The following TGFBR1 variants were observed in gnomAD, a reference collection of about 807,000 sequenced individuals.
TGFBR1 encodes the protein transforming growth factor beta receptor 1.
Under a neutral mutation model 55.1 loss-of-function variants are expected in TGFBR1, and 20 were observed. The ratio of observed to expected loss-of-function variants is 0.36; its 90% CI spans 0.26 to 0.53. The LOEUF is 0.53. TGFBR1 is among the 20% of genes least tolerant of loss of function. The probability of loss-of-function intolerance (pLI) is 0.91; values close to 1 mark genes in which losing one functional copy is unlikely to be tolerated. For missense variants in TGFBR1, 385 were observed against 617.6 expected (o/e 0.62, Z 3.99); for synonymous variants, 220 against 214.8 (o/e 1.02, Z -0.21).
At chr9:99,116,247 G>T (rs939190446) in intron 1 of TGFBR1, among the ~76,000 whole-genome samples, 4 of 151,852 alleles carry the variant, frequency 2.6e-5, no homozygotes, top group African/African-American at 9.7e-5. Flanking sequence ...GTCAGATCCA[G>T]CCTGCTCTTG....
intron 7 of TGFBR1, among the ~76,000 whole-genome samples, chr9:99,146,857 A>G (rs564439660): frequency 6.6e-6 from 1 of 152,204 alleles, no homozygotes; most frequent in African/African-American, 2.4e-5. Context: ...TCAGAACCCA[A>G]CCCCTTGTTA....
At chr9:99,131,693 C>T (rs185271666) in intron 2 of TGFBR1, among the ~76,000 whole-genome samples, 5 of 151,960 alleles carry the variant, frequency 3.3e-5, no homozygotes, top group African/African-American at 4.8e-5. Context: ...ACCTATTGGC[C>T]GGGCATGGCT....
intron 1 of TGFBR1, among the ~76,000 whole-genome samples, chr9:99,106,526 T>C (rs773954627): frequency 6.6e-6 from 1 of 152,224 alleles, no homozygotes; most frequent in Non-Finnish European, 1.5e-5. Flanking sequence ...TGTAAATGCA[T>C]ACACTATTGT....
rs556875871 is a variant in TGFBR1 at position 99,109,607 on chromosome 9, G to C, written c.97+4305G>C. Reference sequence around the variant, plus strand: ...ATTTTGAAAATGCCATTATCCTATGGATGGCCCTTCTGATGTGAGAACGTG... The same window carrying C: ...ATTTTGAAAATGCCATTATCCTATGCATGGCCCTTCTGATGTGAGAACGTG... On this transcript the variant is annotated intron_variant, in intron 1 of 8. Coordinates refer to ENST00000374994, the MANE Select transcript of TGFBR1 (RefSeq NM_004612.4). Among the ~76,000 whole-genome samples, 4 of 152,276 alleles carry C rather than the reference G, an allele frequency of 2.6e-5. No individual in the cohort carries two copies. The East Asian group carries it at 7.7e-4, about 29-fold the overall frequency.
Position 99,105,121 on chromosome 9 carries a change from G to C in TGFBR1, c.-85G>C, listed in dbSNP as rs1264918498. 9.8e-7 allele frequency: 1 copy of C among 1,019,016 alleles called. No individual in the cohort carries two copies. The highest frequency in any genetic ancestry group is 1.2e-6 in the Non-Finnish European group (1 of 839,884). 63.1% of individuals were successfully genotyped at this position (1,019,016 alleles called of 1,614,324 possible). On this transcript the variant is annotated 5_prime_UTR_variant, in exon 1 of 9. Coordinates refer to ENST00000374994, the MANE Select transcript of TGFBR1 (RefSeq NM_004612.4). Reference sequence around the variant, plus strand: ...CGGAGCGAGGCCGCCGCGGCGGCTAGGGAGGTGGGGCGAGGCGAGGTTTGC... The same window carrying C: ...CGGAGCGAGGCCGCCGCGGCGGCTACGGAGGTGGGGCGAGGCGAGGTTTGC...
chr9:99,126,045 G>A (rs1827031308), intron 1 of TGFBR1, among the ~76,000 whole-genome samples: 1 of 152,168 alleles, frequency 6.6e-6, no homozygotes, highest in Non-Finnish European at 1.5e-5. Flanking sequence ...ACCAATTATT[G>A]TGAAGGTAAG....
chr9:99,105,921 C>G (rs1429720739), intron 1 of TGFBR1, among the ~76,000 whole-genome samples: 2 of 152,220 alleles, frequency 1.3e-5, no homozygotes, highest in African/African-American at 2.4e-5. Flanking sequence ...CGACCCGAGC[C>G]GACCCTGCTG....
rs886063221 is a variant in TGFBR1, at chr9:99,105,316, C to CGGCG, written c.97+23_97+26dup. The CGGCG allele has an allele frequency of 1.6e-4, 159 of 981,792 alleles. 5 individuals carry two copies. The South Asian group carries it at 6.2e-3, about 38-fold the overall frequency. 60.8% of individuals were successfully genotyped at this position (981,792 alleles called of 1,614,324 possible). ...CGGGGGCGACGGGTGAGCGGCGGCG[C>CGGCG]GGCGGGCGGGCGACTGCGGGGCGCG... On this transcript the variant is annotated intron_variant, in intron 1 of 8. Coordinates refer to ENST00000374994, the MANE Select transcript of TGFBR1 (RefSeq NM_004612.4).
Position 99,128,982 on chromosome 9 carries a change from T to A in TGFBR1, c.225T>A (p.Ile75=), listed in dbSNP as rs200543076. 6.2e-7 allele frequency: 1 copy of A among 1,614,016 alleles called. No homozygotes were observed. The highest frequency in any genetic ancestry group is 2.2e-5 in the East Asian group (1 of 44,878). ...ACAACAGCATGTGTATAGCTGAAAT[T>A]GACTTAATTCCTCGAGATAGGCCGT... The part of the protein sequence containing the change: ...VIHNSMCIAE[I]DLIPRDRPFV... The change falls in exon 2 of 9, where the codon ATT becomes ATA. Residue 75 remains isoleucine (I), a synonymous_variant. Transcript: ENST00000374994.
chr9:99,136,125 G>C (rs1588583684), intron 3 of TGFBR1, among the ~76,000 whole-genome samples: 1 of 152,182 alleles, frequency 6.6e-6, no homozygotes, highest in Admixed American at 6.5e-5. Context: ...AAAGTGCTGG[G>C]ATTAGAGGTG....
Position 99,144,740 on chromosome 9 carries a change from G to A in TGFBR1, c.982G>A (p.Ala328Thr). 1.2e-6 allele frequency: 2 copies of A among 1,613,804 alleles called. No homozygotes were observed. Among genetic ancestry groups the A allele is most frequent in the Non-Finnish European group, 1.7e-6 (2 of 1,179,862 alleles). Reference protein sequence around the residue: ...MEIVGTQGKPAIAHRDLKSKN... With the variant: ...MEIVGTQGKPTIAHRDLKSKN... Reference sequence around the variant, plus strand: ...AATTTTTGATTCTTTAGGAAAGCCAGCCATTGCTCATAGAGATTTGAAATC... The same window carrying A: ...AATTTTTGATTCTTTAGGAAAGCCAACCATTGCTCATAGAGATTTGAAATC... The change falls in exon 6 of 9, where the codon GCC (alanine) becomes ACC (threonine). Residue 328 changes from alanine (A) to threonine (T), a missense_variant. Around this residue, in one of 5 missense-constraint regions of TGFBR1, gnomAD observed 85 missense variants for 228.4 expected, o/e 0.37. Coordinates refer to ENST00000374994, the MANE Select transcript of TGFBR1 (RefSeq NM_004612.4).
chr9:99,123,829 A>G lies in TGFBR1; in HGVS notation c.98-5026A>G, dbSNP rs111529211. The stretch of plus-strand genomic sequence containing the variant: ...CTTTGGTGGCCTACGAATAAAAACC[A>G]CATTGGCACAATGCCATTTATCATA... On this transcript the variant is annotated intron_variant, in intron 1 of 8. Transcript: ENST00000374994. Among the ~76,000 whole-genome samples the G allele has an allele frequency of 4.4e-3, 665 of 152,304 alleles. 1 individual carries two copies. The highest frequency in any genetic ancestry group is 6.3e-3 in the Non-Finnish European group (427 of 68,012).
intron 1 of TGFBR1, among the ~76,000 whole-genome samples, chr9:99,105,659 G>C (rs1826390680): frequency 6.6e-6 from 1 of 152,122 alleles, no homozygotes; most frequent in African/African-American, 2.4e-5. Context: ...TGCGAGGCCG[G>C]CGGGGACTGG....
chr9:99,119,234 A>G (rs917099639), intron 1 of TGFBR1, among the ~76,000 whole-genome samples: 17 of 152,150 alleles, frequency 1.1e-4, no homozygotes, highest in South Asian at 2.1e-4. Context: ...CCCCGAGTCA[A>G]TGGCAGCTGG....
chr9:99,106,646 A>C (rs1826423319), intron 1 of TGFBR1, among the ~76,000 whole-genome samples: 1 of 152,250 alleles, frequency 6.6e-6, no homozygotes, highest in Non-Finnish European at 1.5e-5. Context: ...CCAATAACTT[A>C]AGTGCTAAAG....
chr9:99,127,722 ATAGATGGCCATTCCGTGTACCTAGACTCC>A, intron 1 of TGFBR1: 1 of 356,166 alleles, frequency 2.8e-6, no homozygotes, highest in Non-Finnish European at 5.5e-6. Flanking sequence ...TGTTCACGTC[ATAGATGGCCATTCCGTGTACCTAGACTCC>A]TTTTTATTCC....
At chr9:99,104,426 G>A (rs558180433), upstream of TGFBR1, among the ~76,000 whole-genome samples, 1 of 152,254 alleles carries the variant, frequency 6.6e-6, no homozygotes, top group East Asian at 1.9e-4. Context: ...TCAGGATCTG[G>A]GTCTGACGCT....
chr9:99,152,858 C>T lies in TGFBR1; in HGVS notation c.*3553C>T, dbSNP rs1239533896. On this transcript the variant is annotated 3_prime_UTR_variant, in exon 9 of 9. Transcript: ENST00000374994. Reference sequence around the variant, plus strand: ...TGGATTACTGGAATACCCATGGGCCCTCTCAAGAGTGCTGGACTTCTAGGA... The same window carrying T: ...TGGATTACTGGAATACCCATGGGCCTTCTCAAGAGTGCTGGACTTCTAGGA... 4.3e-6 allele frequency: 1 copy of T among 231,594 alleles called. No individual in the cohort carries two copies. Among genetic ancestry groups the T allele is most frequent in the Non-Finnish European group, 8.6e-6 (1 of 116,736 alleles). The allele number at this position is 231,594 out of a possible 1,614,324, so 14.3% of individuals were successfully genotyped here. A position where few individuals can be genotyped will look rare whatever the true frequency, so the allele number is the denominator to read the frequency against.
Position 99,149,020 on chromosome 9 carries a change from G to T in TGFBR1, c.1387-160G>T, listed in dbSNP as rs11568806. On this transcript the variant is annotated intron_variant, in intron 8 of 8. Coordinates refer to ENST00000374994, the MANE Select transcript of TGFBR1 (RefSeq NM_004612.4). The stretch of plus-strand genomic sequence containing the variant: ...GCACTGGCACCAGTACCCTATTGAT[G>T]GAAATTTATGTAATTTCTACTCATT... Among the ~76,000 whole-genome samples the T allele has an allele frequency of 2.5e-3, 384 of 152,064 alleles. 1 individual carries two copies. Among genetic ancestry groups the T allele is most frequent in the African/African-American group, 8.8e-3 (365 of 41,468 alleles).
Sources: gnomAD v4.1 joint callset for allele counts (sites outside exome capture counted in the v4.1 genomes callset) on GRCh38, gnomAD v4.1.1 for gene constraint, gnomAD v4.1.1 regional missense constraint, MANE v1.5 for transcripts, NCBI Gene and HGNC (gene_info 2026-07-23, HGNC 2026-07-21) for gene names.